COG3: variants seen among roughly 807,000 people sequenced by gnomAD.
COG3 encodes the protein component of oligomeric golgi complex 3.
In COG3, 32 loss-of-function variants were observed where a neutral mutation model predicts 114.1. The ratio of observed to expected loss-of-function variants is 0.28; its 90% CI spans 0.21 to 0.38. The LOEUF (loss-of-function observed/expected upper bound fraction) is 0.38. Ranked by LOEUF, COG3 falls within the 10% of genes least tolerant of loss-of-function variation. The pLI is 1.00. For missense variants in COG3, 813 were observed against 973.2 expected (o/e 0.84, Z 2.19); for synonymous variants, 352 against 365.7 (o/e 0.96, Z 0.43).
Position 45,533,706 on chromosome 13 carries a change from T to C in COG3, c.2458-996T>C, listed in dbSNP as rs914604502. 5.3e-5 allele frequency among the ~76,000 whole-genome samples: 8 copies of C among 152,236 alleles called. No homozygotes were observed. The South Asian group carries it at 1.4e-3, about 28-fold the overall frequency. Reference sequence around the variant, plus strand: ...TCCAGGTCCAGTCCCAGGTCATGCATTGCTGTCAGGTGTCATGTCTCTTTA... The same window carrying C: ...TCCAGGTCCAGTCCCAGGTCATGCACTGCTGTCAGGTGTCATGTCTCTTTA... On this transcript the variant is annotated intron_variant, in intron 22 of 22. Coordinates refer to ENST00000349995, the MANE Select transcript of COG3 (RefSeq NM_031431.4).
chr13:45,496,625 G>T (rs772853853), intron 13 of COG3, among the ~76,000 whole-genome samples: 2 of 152,082 alleles, frequency 1.3e-5, no homozygotes, highest in African/African-American at 2.4e-5. Flanking sequence ...AAATTTAAAA[G>T]AATTAAAAAT....
At position 45,465,229 on chromosome 13, in the gene COG3, A is replaced by C; in HGVS notation, c.174+19A>C. 6.2e-7 allele frequency: 1 copy of C among 1,611,024 alleles called. No individual in the cohort carries two copies. The highest frequency in any genetic ancestry group is 8.5e-7 in the Non-Finnish European group (1 of 1,178,398). ...AGCTGAGGTGAGGTGATGGGCAGGA[A>C]CCGGGCCGGGGCGATGGGGCTGGGA... On this transcript the variant is annotated intron_variant, in intron 1 of 22. Coordinates refer to ENST00000349995, the MANE Select transcript of COG3 (RefSeq NM_031431.4).
At chr13:45,522,698 C>CTT (rs1433164806) in intron 19 of COG3, among the ~76,000 whole-genome samples, 1 of 152,178 alleles carries the variant, frequency 6.6e-6, no homozygotes, top group Non-Finnish European at 1.5e-5. Flanking sequence ...AAAATAACCT[C>CTT]TAAGTATTTG....
intron 1 of COG3, among the ~76,000 whole-genome samples, chr13:45,470,397 C>T (rs999900355): frequency 1.3e-5 from 2 of 152,166 alleles, no homozygotes; most frequent in Admixed American, 6.5e-5. Context: ...AAAAGGACAG[C>T]TCTATGTATT....
At chr13:45,525,108 A>G (rs2985984) in intron 20 of COG3, 57 bp downstream of exon 20, 1,097,881 of 1,467,294 alleles carry the variant, frequency 0.75, 413,351 homozygotes, top group Admixed American at 0.84. Context: ...GTTTGCATTT[A>G]TATAGTCCTT....
At chr13:45,480,329 A>T in intron 4 of COG3, 39 bp downstream of exon 4, 1 of 1,292,992 alleles carries the variant, frequency 7.7e-7, no homozygotes, top group Non-Finnish European at 1.1e-6. Context: ...CATTATATTT[A>T]ATATTTTAAA....
At chr13:45,509,896 T>G in intron 15 of COG3, 80 bp downstream of exon 15, 1 of 1,341,374 alleles carries the variant, frequency 7.5e-7, no homozygotes, top group East Asian at 2.4e-5. Context: ...CTTGATAAAG[T>G]ATTTTGTTGG....
intron 6 of COG3, 36 bp from the exon 7 acceptor site, chr13:45,483,194 A>C (rs1448981950): frequency 6.5e-7 from 1 of 1,536,170 alleles, no homozygotes; most frequent in East Asian, 2.3e-5. Flanking sequence ...ATCTGTGTTC[A>C]TTTCCACTTT....
intron 1 of COG3, among the ~76,000 whole-genome samples, chr13:45,468,566 C>G (rs1397382213): frequency 1.3e-5 from 2 of 152,116 alleles, no homozygotes; most frequent in African/African-American, 2.4e-5. Context: ...ATTAATTGAT[C>G]AGATTGATTA....
chr13:45,497,116 G>A (rs1197118008), intron 13 of COG3, among the ~76,000 whole-genome samples: 1 of 152,186 alleles, frequency 6.6e-6, no homozygotes, highest in Non-Finnish European at 1.5e-5. Context: ...GAAGCCACCA[G>A]GTTGATGGTG....
In COG3 at chr13:45,465,054, G is replaced by C; in HGVS notation, c.18G>C (p.Leu6=). The C allele has an allele frequency of 6.3e-7, 1 of 1,585,856 alleles. No homozygotes were observed. The highest frequency in any genetic ancestry group is 8.6e-7 in the Non-Finnish European group (1 of 1,167,672). The change falls in exon 1 of 23, where the codon CTG becomes CTC. Residue 6 remains leucine (L), a synonymous_variant. Transcript: ENST00000349995. MAEAA[L]LLLPEAAAER... is the part of the protein sequence containing the mutation. ...CGGCGGCGATGGCGGAGGCGGCGCTGTTGCTGCTGCCTGAGGCGGCGGCGG... is the reference window on the plus strand; with the variant it reads ...CGGCGGCGATGGCGGAGGCGGCGCTCTTGCTGCTGCCTGAGGCGGCGGCGG...
At chr13:45,502,192 C>T (rs1427113020) in intron 13 of COG3, among the ~76,000 whole-genome samples, 1 of 152,186 alleles carries the variant, frequency 6.6e-6, no homozygotes. Flanking sequence ...GTTTCCCAGC[C>T]TGATCTAGTG....
rs1455830633 is a variant in COG3 at position 45,529,934 on chromosome 13, C to T, written c.2358+16C>T. On this transcript the variant is annotated intron_variant, in intron 21 of 22. Coordinates refer to ENST00000349995, the MANE Select transcript of COG3 (RefSeq NM_031431.4). ...ACCTGTGAGGGTGAGTATCAGATAA[C>T]TCATTTGAATGTTGGCGGGTGACTT... 6.3e-7 allele frequency: 1 copy of T among 1,593,058 alleles called. No individual in the cohort carries two copies. Among genetic ancestry groups the T allele is most frequent in the East Asian group, 2.3e-5 (1 of 44,438 alleles).
At chr13:45,467,942 T>C (rs935142658) in intron 1 of COG3, among the ~76,000 whole-genome samples, 7 of 152,212 alleles carry the variant, frequency 4.6e-5, no homozygotes, top group African/African-American at 1.7e-4. Context: ...ATAAAGATGT[T>C]AACTTCTTTA....
intron 19 of COG3, among the ~76,000 whole-genome samples, chr13:45,520,093 TC>T (rs1340541562): frequency 6.6e-6 from 1 of 151,998 alleles, no homozygotes; most frequent in African/African-American, 2.4e-5. Flanking sequence ...TGGTTAACAG[TC>T]CTGGGTAACA....
At chr13:45,496,962 C>T (rs780065299) in intron 13 of COG3, among the ~76,000 whole-genome samples, 21 of 152,198 alleles carry the variant, frequency 1.4e-4, no homozygotes, top group Non-Finnish European at 2.8e-4. Context: ...CGTGAGCCAC[C>T]GCACCCGGCC....
At chr13:45,477,664 G>C (rs1473882184) in intron 2 of COG3, among the ~76,000 whole-genome samples, 1 of 147,278 alleles carries the variant, frequency 6.8e-6, no homozygotes, top group African/African-American at 2.6e-5. Flanking sequence ...GTCTCACTCT[G>C]TTGCCCAGGC....
intron 7 of COG3, 130 bp from the exon 8 acceptor site, chr13:45,486,365 G>C: frequency 3.1e-6 from 2 of 647,260 alleles, no homozygotes; most frequent in East Asian, 5.3e-5. Context: ...AGAGGGAGAG[G>C]GAGACTCTCC....
chr13:45,482,539 T>C (rs1396133971), intron 6 of COG3, 66 bp downstream of exon 6: 17 of 782,764 alleles, frequency 2.2e-5, no homozygotes, highest in Non-Finnish European at 3.5e-5. Flanking sequence ...TCCTATCTTT[T>C]TGTGTTTTTC....
Sources: allele counts gnomAD v4.1 joint callset (sites outside exome capture counted in the v4.1 genomes callset), GRCh38; gene constraint gnomAD v4.1.1; transcripts MANE v1.5; gene names NCBI Gene and HGNC (gene_info 2026-07-23, HGNC 2026-07-21).